The following KHDRBS2 variants were observed in gnomAD, a reference collection of about 807,000 sequenced individuals.
KHDRBS2 encodes KH domain-containing, RNA-binding, signal transduction-associated protein 2.
A neutral mutation model predicts 44.3 loss-of-function variants in KHDRBS2; 26 were observed. That is an observed-to-expected ratio of 0.59 (90% CI 0.43 to 0.81). The LOEUF (loss-of-function observed/expected upper bound fraction) is 0.81. Among genes scored for constraint, KHDRBS2 ranks in the 40% least tolerant of loss-of-function variants. KHDRBS2 has a pLI of 0.00. For missense variants in KHDRBS2, 476 were observed against 433.1 expected (o/e 1.10, Z -0.88); for synonymous variants, 194 against 151.1 (o/e 1.28, Z -2.08).
chr6:62,073,604 G>C (rs1386816157), intron 2 of KHDRBS2, among the ~76,000 whole-genome samples: 2 of 144,728 alleles, frequency 1.4e-5, no homozygotes, highest in Non-Finnish European at 3.0e-5. Flanking sequence ...GCTTGCTTTG[G>C]TTCTAGTTTA....
chr6:61,614,606 G>T, the KHDRBS2 span, among the ~76,000 whole-genome samples: 1 of 152,094 alleles, frequency 6.6e-6, no homozygotes, highest in Non-Finnish European at 1.5e-5. Flanking sequence ...TCTACATCCA[G>T]ATAAAAGGAA....
intron 7 of KHDRBS2, among the ~76,000 whole-genome samples, chr6:61,700,587 C>T (rs1162066139): frequency 6.6e-6 from 1 of 151,408 alleles, no homozygotes; most frequent in African/African-American, 2.4e-5. Context: ...AGTGAATACA[C>T]CCTTTCAGCT....
intron 3 of KHDRBS2, among the ~76,000 whole-genome samples, chr6:62,003,462 G>A (rs1315938550): frequency 3.9e-5 from 6 of 152,170 alleles, no homozygotes; most frequent in African/African-American, 1.4e-4. Context: ...AACAAGAAGA[G>A]TTAACTATCC....
chr6:61,580,138 CT>C, the KHDRBS2 span, among the ~76,000 whole-genome samples: 1 of 152,158 alleles, frequency 6.6e-6, no homozygotes, highest in African/African-American at 2.4e-5. Flanking sequence ...ATGGGTCAAA[CT>C]TTTCTTAGCT....
chr6:61,912,579 G>A (rs894594068), intron 4 of KHDRBS2, among the ~76,000 whole-genome samples: 1 of 152,122 alleles, frequency 6.6e-6, no homozygotes, highest in African/African-American at 2.4e-5. Flanking sequence ...TTGCTCTAGT[G>A]GGCCCATGAC....
At chr6:61,608,845 G>A in the KHDRBS2 span, among the ~76,000 whole-genome samples, 2 of 152,124 alleles carry the variant, frequency 1.3e-5, no homozygotes, top group Non-Finnish European at 2.9e-5. Context: ...TTATTGATGA[G>A]CATTTGGGTT....
the KHDRBS2 span, among the ~76,000 whole-genome samples, chr6:61,569,843 G>T: frequency 6.6e-6 from 1 of 152,152 alleles, no homozygotes; most frequent in African/African-American, 2.4e-5. Flanking sequence ...TTGTAGTCTG[G>T]CTCCTGGGAA....
At chr6:61,616,464 A>T in the KHDRBS2 span, among the ~76,000 whole-genome samples, 1 of 43,436 alleles carries the variant, frequency 2.3e-5, no homozygotes, top group East Asian at 7.1e-4. Context: ...ACAATGAAAG[A>T]ATATACATAT....
chr6:61,790,907 T>C (rs151024150), intron 6 of KHDRBS2, among the ~76,000 whole-genome samples: 2,045 of 151,648 alleles, frequency 0.013, 29 homozygotes, highest in Non-Finnish European at 0.022. Context: ...ATTTTCTCAG[T>C]AGAAAAGATA....
At chr6:62,253,856 T>G (rs1173063809) in intron 1 of KHDRBS2, among the ~76,000 whole-genome samples, 1 of 151,980 alleles carries the variant, frequency 6.6e-6, no homozygotes, top group East Asian at 1.9e-4. Flanking sequence ...TCATAAAATT[T>G]TGCTATTTCT....
intron 2 of KHDRBS2, among the ~76,000 whole-genome samples, chr6:62,126,688 CCTT>C (rs1393496838): frequency 6.6e-6 from 1 of 152,152 alleles, no homozygotes; most frequent in Non-Finnish European, 1.5e-5. Flanking sequence ...TATTTTGCCT[CCTT>C]CTTAAGAAGA....
chr6:61,709,742 G>A (rs1770181155), intron 7 of KHDRBS2, among the ~76,000 whole-genome samples: 2 of 151,542 alleles, frequency 1.3e-5, no homozygotes, highest in African/African-American at 4.8e-5. Context: ...AGGCTCAGTG[G>A]TACATGACGT....
intron 6 of KHDRBS2, among the ~76,000 whole-genome samples, chr6:61,751,885 C>A (rs1321764179): frequency 3.8e-5 from 5 of 133,120 alleles, no homozygotes; most frequent in Admixed American, 3.7e-4. Context: ...CCTCAGCTTG[C>A]AAATGGCTGC....
intron 8 of KHDRBS2, among the ~76,000 whole-genome samples, chr6:61,682,106 T>C (rs1378414536): frequency 6.6e-6 from 1 of 151,940 alleles, no homozygotes; most frequent in Non-Finnish European, 1.5e-5. Flanking sequence ...TGAGGGCAAC[T>C]AATGTAGGGC....
At chr6:61,892,735 T>G (rs1583366533) in intron 6 of KHDRBS2, among the ~76,000 whole-genome samples, 1 of 152,256 alleles carries the variant, frequency 6.6e-6, no homozygotes, top group East Asian at 1.9e-4. Context: ...TCCTTACACC[T>G]TATACAAAAA....
the KHDRBS2 span, among the ~76,000 whole-genome samples, chr6:61,646,753 C>T: frequency 2.0e-5 from 3 of 151,996 alleles, no homozygotes; most frequent in Non-Finnish European, 2.9e-5. Context: ...TATATTTGAG[C>T]TCTTTTGTGT....
Position 62,041,059 on chromosome 6 carries a change from G to A in KHDRBS2, c.336+6819C>T, listed in dbSNP as rs114640862. On this transcript the variant is annotated intron_variant, in intron 3 of 8. Transcript: ENST00000281156. Reference sequence around the variant, plus strand: ...ACTATAATATTTTTAGGCCAAGCACGGTGGCTCACACTTGTAATCCCAGCA... The same window carrying A: ...ACTATAATATTTTTAGGCCAAGCACAGTGGCTCACACTTGTAATCCCAGCA... 1.5e-3 allele frequency among the ~76,000 whole-genome samples: 232 copies of A among 152,136 alleles called. 1 individual carries two copies. Among genetic ancestry groups the A allele is most frequent in the African/African-American group, 5.1e-3 (211 of 41,526 alleles).
At position 61,962,854 on chromosome 6, in the gene KHDRBS2, C is replaced by T. The variant is rs532412844; in HGVS notation, c.483+15212G>A. Among the ~76,000 whole-genome samples the T allele has an allele frequency of 4.2e-4, 64 of 152,092 alleles. 1 individual carries two copies. The highest frequency in any genetic ancestry group is 1.5e-3 in the African/African-American group (62 of 41,508). On this transcript the variant is annotated intron_variant, in intron 4 of 8. Transcript: ENST00000281156. ...TCCATCAACTATCAATGTGGGATTT[C>T]GGCTCTGGAAGCTCAGATTTTCAGT...
At chr6:61,899,376 A>G (rs935796284) in intron 5 of KHDRBS2, among the ~76,000 whole-genome samples, 5 of 151,916 alleles carry the variant, frequency 3.3e-5, no homozygotes, top group African/African-American at 1.2e-4. Context: ...TGCTAGCACC[A>G]CTAATGATAT....
Sources: allele counts gnomAD v4.1 joint callset (sites outside exome capture counted in the v4.1 genomes callset), GRCh38; gene constraint gnomAD v4.1.1; transcripts MANE v1.5; gene names NCBI Gene and HGNC (gene_info 2026-07-23, HGNC 2026-07-21).